The following ARVCF variants were observed in gnomAD, a reference collection of about 807,000 sequenced individuals.
ARVCF encodes splicing regulator ARVCF.
In ARVCF, 66 loss-of-function variants were observed where a neutral mutation model predicts 90.9. The observed-to-expected ratio is 0.73, with a 90% confidence interval of 0.60 to 0.89. The LOEUF (loss-of-function observed/expected upper bound fraction) is 0.89, where lower values mean the gene tolerates loss of function less well. ARVCF is among the 40% of genes least tolerant of loss of function. The pLI is 0.00. For missense variants in ARVCF, 1,469 were observed against 1,382.3 expected (o/e 1.06, Z -1.00); for synonymous variants, 653 against 603.4 (o/e 1.08, Z -1.21).
intron 2 of ARVCF, among the ~76,000 whole-genome samples, chr22:20,006,315 C>A (rs902306039): frequency 6.6e-6 from 1 of 150,920 alleles, no homozygotes; most frequent in Admixed American, 6.6e-5. Flanking sequence ...TGGTGGCTCA[C>A]GCCTGTAATC....
intron 2 of ARVCF, among the ~76,000 whole-genome samples, chr22:19,998,178 G>A (rs1429028741): frequency 6.6e-6 from 1 of 152,206 alleles, no homozygotes; most frequent in Non-Finnish European, 1.5e-5. Context: ...GCGGGCAGGT[G>A]CAGCAGTCAC....
At chr22:19,979,458 G>C (rs1024565440) in intron 6 of ARVCF, 1 of 555,578 alleles carries the variant, frequency 1.8e-6, no homozygotes, top group Admixed American at 3.3e-5. Context: ...CCAAGGAGGT[G>C]GGTCCCAGGA....
intron 2 of ARVCF, among the ~76,000 whole-genome samples, chr22:19,991,982 T>A (rs1601638940): frequency 6.6e-6 from 1 of 152,244 alleles, no homozygotes; most frequent in South Asian, 2.1e-4. Context: ...GGACACGCAC[T>A]GCGGGTGACA....
rs1442533726 is a variant in ARVCF, at chr22:19,981,399, G to A, written c.708C>T (p.Phe236=). 1.9e-6 allele frequency: 3 copies of A among 1,589,586 alleles called. No individual in the cohort carries two copies. Among genetic ancestry groups the A allele is most frequent in the Non-Finnish European group, 1.7e-6 (2 of 1,170,178 alleles). ...GTGGCCCAGGCTCAGGACCCACCGG[G>A]AAGGCTTCCCGGTGGCCAGGCAGTG... is the stretch of plus-strand genomic sequence containing the variant. The part of the protein sequence containing the change: ...CFTLPGHREA[F]PVGPEPGPPG... The change falls in exon 5 of 20, where the codon TTC becomes TTT. Residue 236 remains phenylalanine (F), a synonymous_variant. Transcript: ENST00000263207.
At chr22:19,967,934 T>G (rs1386404836), downstream of ARVCF, among the ~76,000 whole-genome samples, 1 of 152,216 alleles carries the variant, frequency 6.6e-6, no homozygotes, top group Non-Finnish European at 1.5e-5. Flanking sequence ...CAGTAACAAC[T>G]CCTTCCTTCT....
rs142237966 is a variant in ARVCF, at chr22:19,978,925, C to T, written c.1552G>A (p.Val518Ile). The T allele has an allele frequency of 5.0e-4, 808 of 1,612,876 alleles. 2 individuals are homozygous for T. Among genetic ancestry groups the T allele is most frequent in the South Asian group, 2.1e-3 (191 of 91,076 alleles). ...SKPRDAEWTT[V>I]FKNTSGCLRN... ...AGGCAGCCCGACGTGTTCTTGAAGA[C>T]AGTTGTCCACTCGGCGTCCCGTGGC... The change falls in exon 7 of 20, where the codon GTC becomes ATC. Residue 518 changes from valine (V) to isoleucine (I), a missense_variant. Val to Ile is a conservative substitution (Grantham distance 29). Transcript: ENST00000263207.
At chr22:19,971,410 C>G in intron 18 of ARVCF, 75 bp from the exon 19 acceptor site, 3 of 1,480,780 alleles carry the variant, frequency 2.0e-6, no homozygotes, top group Non-Finnish European at 2.7e-6. Context: ...AGGGCAGGGG[C>G]AGGGCCGAGG....
chr22:19,986,113 G>A (rs1172102982), intron 3 of ARVCF, among the ~76,000 whole-genome samples: 2 of 152,206 alleles, frequency 1.3e-5, no homozygotes, highest in Non-Finnish European at 2.9e-5. Context: ...CAAGCTGGGG[G>A]AGCAAACTTG....
intron 13 of ARVCF, 43 bp downstream of exon 13, chr22:19,973,600 G>T: frequency 6.4e-7 from 1 of 1,573,562 alleles, no homozygotes; most frequent in South Asian, 1.1e-5. Flanking sequence ...AAAGCTGCAG[G>T]CACAGTTCGG....
chr22:19,967,030 C>T (rs969924431), downstream of ARVCF: 34 of 1,202,250 alleles, frequency 2.8e-5, no homozygotes, highest in South Asian at 1.4e-4. Flanking sequence ...CAGTGTCGGG[C>T]GACAGGCAGG....
At chr22:19,981,810 C>A in intron 4 of ARVCF, 73 bp from the exon 5 acceptor site, 1 of 1,548,450 alleles carries the variant, frequency 6.5e-7, no homozygotes, top group Middle Eastern at 1.8e-4. Flanking sequence ...GTCTGGCTGG[C>A]CTTAATTTCC....
At chr22:19,982,362 T>G (rs1943552136) in intron 3 of ARVCF, among the ~76,000 whole-genome samples, 1 of 152,146 alleles carries the variant, frequency 6.6e-6, no homozygotes, top group East Asian at 1.9e-4. Context: ...ATCTCAGGTC[T>G]CCTCAGGCTG....
chr22:19,976,759 G>A (rs1331970092), intron 9 of ARVCF, 36 bp from the exon 10 acceptor site: 3 of 1,555,562 alleles, frequency 1.9e-6, no homozygotes, highest in Non-Finnish European at 2.6e-6. Flanking sequence ...GAGAGGAGAG[G>A]AGCCTGAACA....
chr22:20,003,995 A>G (rs1944531987), intron 2 of ARVCF, among the ~76,000 whole-genome samples: 1 of 152,210 alleles, frequency 6.6e-6, no homozygotes, highest in Non-Finnish European at 1.5e-5. Context: ...TAAAAACTCT[A>G]TTAGATGTAA....
rs183256914 is a variant in ARVCF at position 20,013,493 on chromosome 22, C to T, written c.-72-2985G>A. On this transcript the variant is annotated intron_variant, in intron 1 of 19. Transcript: ENST00000263207. ...ACGCCCTCAATAGGCGGCTTGGAGG[C>T]CGAGCTCCGGTCATCCAAGCCAGGT... Among the ~76,000 whole-genome samples, 525 of 152,338 alleles carry T rather than the reference C, an allele frequency of 3.4e-3. 6 individuals are homozygous for T. The highest frequency in any genetic ancestry group is 0.022 in the Admixed American group (338 of 15,302).
Position 19,977,423 on chromosome 22 carries a change from T to A in ARVCF, c.1862A>T (p.Lys621Met), listed in dbSNP as rs1907729178. 6.5e-7 allele frequency: 1 copy of A among 1,528,760 alleles called. No homozygotes were observed. Among genetic ancestry groups the A allele is most frequent in the African/African-American group, 1.4e-5 (1 of 71,986 alleles). 94.7% of individuals were successfully genotyped at this position (1,528,760 alleles called of 1,614,324 possible). A position where few individuals can be genotyped will look rare whatever the true frequency, so the allele number is the denominator to read the frequency against. ...CAGTCCGCCCCACCCACCTTTGGCC[T>A]TCTTGCCTCCAAAGCAGCTGGCATC... ...RDDASCFGGK[K>M]AKEEWFHQGK... The change falls in exon 9 of 20, where the codon AAG becomes ATG. Residue 621 changes from lysine to methionine, a missense_variant. Lys to Met is a moderately conservative substitution (Grantham distance 95, BLOSUM62 -1). Transcript: ENST00000263207.
chr22:19,973,468 T>G, intron 13 of ARVCF, 151 bp from the exon 14 acceptor site: 2 of 1,340,824 alleles, frequency 1.5e-6, no homozygotes, highest in Non-Finnish European at 2.0e-6. Flanking sequence ...AGCAGGGCGC[T>G]GAGCTTCAGA....
At chr22:19,978,141 T>C (rs1269952066) in intron 7 of ARVCF, 66 bp from the exon 8 acceptor site, 3 of 1,447,820 alleles carry the variant, frequency 2.1e-6, no homozygotes, top group Non-Finnish European at 2.8e-6. Flanking sequence ...CACCCTGGCC[T>C]TGTGGGCTTG....
At chr22:19,977,351 G>A in intron 9 of ARVCF, 64 bp downstream of exon 9, 2 of 1,465,430 alleles carry the variant, frequency 1.4e-6, no homozygotes, top group Non-Finnish European at 1.8e-6. Flanking sequence ...TGGGTGTACA[G>A]AGAGCCTTCC....
Sources: allele counts gnomAD v4.1 joint callset (sites outside exome capture counted in the v4.1 genomes callset), GRCh38; gene constraint gnomAD v4.1.1; transcripts MANE v1.5; gene names NCBI Gene and HGNC (gene_info 2026-07-23, HGNC 2026-07-21).